The following GNS variants were observed in gnomAD, a reference collection of about 807,000 sequenced individuals.
GNS encodes N-acetylglucosamine-6-sulfatase.
GNS carries 40 observed loss-of-function variants against 69.7 expected under a neutral mutation model. The ratio of observed to expected loss-of-function variants is 0.57; its 90% CI spans 0.45 to 0.75. GNS has a LOEUF of 0.75. Ranked by LOEUF, GNS falls within the 30% of genes least tolerant of loss-of-function variation. The pLI is 0.00. For synonymous variants in GNS, 243 were observed against 251.6 expected (o/e 0.97, Z 0.32); for missense variants, 565 against 685.5 (o/e 0.82, Z 1.96).
intron 12 of GNS, among the ~76,000 whole-genome samples, chr12:64,720,577 A>G (rs535735006): frequency 6.6e-6 from 1 of 152,362 alleles, no homozygotes; most frequent in African/African-American, 2.4e-5. Context: ...GTGAGAGCGA[A>G]TATTTAAAGG....
At chr12:64,754,242 C>T (rs1870173154) in intron 1 of GNS, among the ~76,000 whole-genome samples, 1 of 152,140 alleles carries the variant, frequency 6.6e-6, no homozygotes, top group Admixed American at 6.6e-5. Context: ...GGTAAACAAT[C>T]AGTCATTTCA....
intron 8 of GNS, among the ~76,000 whole-genome samples, chr12:64,738,377 G>A (rs1869617972): frequency 6.6e-6 from 1 of 152,196 alleles, no homozygotes; most frequent in South Asian, 2.1e-4. Flanking sequence ...GGAGTCATGT[G>A]TATGGGAGTT....
chr12:64,725,995 CAAAAAAAA>C (rs34734900), intron 10 of GNS, among the ~76,000 whole-genome samples: 18 of 49,222 alleles, frequency 3.7e-4, no homozygotes, highest in African/African-American at 8.1e-4. Context: ...GACTCTGTCT[CAAAAAAAA>C]AAAAAAAAAA....
At chr12:64,719,917 CAGA>C (rs1320186917) in intron 13 of GNS, 102 bp downstream of exon 13, 5 of 798,628 alleles carry the variant, frequency 6.3e-6, no homozygotes, top group African/African-American at 1.7e-5. Context: ...CCCTCTAAAG[CAGA>C]AGAATCATCA....
At position 64,758,470 on chromosome 12, in the gene GNS, G is replaced by A. The variant is rs74338404; in HGVS notation, c.192+615C>T. Among the ~76,000 whole-genome samples the A allele has an allele frequency of 1.3e-4, 19 of 151,962 alleles. No individual in the cohort carries two copies. In the East Asian group the frequency reaches 3.5e-3, roughly 28 times the overall value. ...CCCAAGTAGCTGGGACTACAGCTGC[G>A]CGCCACCACGCCCAGCTAGAATTAT... On this transcript the variant is annotated intron_variant, in intron 1 of 13. Coordinates refer to ENST00000258145, the MANE Select transcript of GNS (RefSeq NM_002076.4).
At chr12:64,724,667 G>A (rs566166427) in intron 10 of GNS, among the ~76,000 whole-genome samples, 5 of 152,192 alleles carry the variant, frequency 3.3e-5, no homozygotes, top group East Asian at 1.9e-4. Flanking sequence ...AGACTAGCCC[G>A]ACCAACATGG....
At chr12:64,725,995 C>CAAAAAAAAAAAAAAAA (rs34734900) in intron 10 of GNS, among the ~76,000 whole-genome samples, 24 of 49,218 alleles carry the variant, frequency 4.9e-4, no homozygotes, top group East Asian at 5.7e-4. Context: ...GACTCTGTCT[C>CAAAAAAAAAAAAAAAA]AAAAAAAAAA....
rs369451602 is a variant in GNS, at chr12:64,719,879, C to T, written c.1580+143G>A. The T allele has an allele frequency of 1.0e-4, 72 of 701,562 alleles. 1 individual carries two copies. The highest frequency in any genetic ancestry group is 3.9e-4 in the African/African-American group (22 of 55,956). The allele number at this position is 701,562 out of a possible 1,614,324, so 43.5% of individuals were successfully genotyped here. A position where few individuals can be genotyped will look rare whatever the true frequency, so the allele number is the denominator to read the frequency against. On this transcript the variant is annotated intron_variant, in intron 13 of 13. Coordinates refer to ENST00000258145, the MANE Select transcript of GNS (RefSeq NM_002076.4). Reference sequence around the variant, plus strand: ...CAAAAGCTTGATTTTCCCAGCACAACGGGCTGATGCAATTAGAACACAGTA... The same window carrying T: ...CAAAAGCTTGATTTTCCCAGCACAATGGGCTGATGCAATTAGAACACAGTA...
intron 3 of GNS, among the ~76,000 whole-genome samples, chr12:64,746,576 T>G (rs1297060987): frequency 6.6e-6 from 1 of 152,180 alleles, no homozygotes; most frequent in Admixed American, 6.5e-5. Flanking sequence ...CTTTTAGAGC[T>G]CGATTTATCT....
At chr12:64,758,056 A>T (rs1290894331) in intron 1 of GNS, among the ~76,000 whole-genome samples, 1 of 152,166 alleles carries the variant, frequency 6.6e-6, no homozygotes, top group Non-Finnish European at 1.5e-5. Context: ...CTGGGCCTCC[A>T]TGGGGAAGGG....
chr12:64,751,004 T>C (rs977930851), intron 2 of GNS, among the ~76,000 whole-genome samples: 1 of 152,222 alleles, frequency 6.6e-6, no homozygotes, highest in African/African-American at 2.4e-5. Context: ...GTAAAATACA[T>C]AGGTCATAGC....
chr12:64,749,002 C>T (rs570157313), intron 2 of GNS, among the ~76,000 whole-genome samples: 6 of 152,210 alleles, frequency 3.9e-5, no homozygotes, highest in South Asian at 4.1e-4. Flanking sequence ...TGCAGTGGCG[C>T]GATCTTGGCT....
intron 2 of GNS, among the ~76,000 whole-genome samples, chr12:64,748,389 G>A (rs909985946): frequency 6.8e-6 from 1 of 147,792 alleles, no homozygotes; most frequent in African/African-American, 2.5e-5. Context: ...TTTTTTATTT[G>A]TAGAGATAAC....
chr12:64,716,460 C>A lies in GNS; in HGVS notation c.*281G>T. ...AGAGGAATAATCAAGAACTGTGGCCCCAGGATAAAAAGAATACAGTGAGAA... is the reference window on the plus strand; with the variant it reads ...AGAGGAATAATCAAGAACTGTGGCCACAGGATAAAAAGAATACAGTGAGAA... On this transcript the variant is annotated 3_prime_UTR_variant, in exon 14 of 14. Transcript: ENST00000258145. The A allele has an allele frequency of 2.1e-6, 1 of 473,406 alleles. No homozygotes were observed. The highest frequency in any genetic ancestry group is 2.2e-5 in the South Asian group (1 of 45,952). The allele number at this position is 473,406 out of a possible 1,614,324, so 29.3% of individuals were successfully genotyped here. A position where few individuals can be genotyped will look rare whatever the true frequency, so the allele number is the denominator to read the frequency against.
intron 12 of GNS, among the ~76,000 whole-genome samples, chr12:64,721,074 T>C (rs906104930): frequency 6.6e-6 from 1 of 152,148 alleles, no homozygotes; most frequent in Non-Finnish European, 1.5e-5. Flanking sequence ...CAGGTGAGCA[T>C]ATGCTGATAA....
intron 10 of GNS, among the ~76,000 whole-genome samples, chr12:64,727,640 G>A (rs1244887): frequency 0.63 from 95,794 of 151,972 alleles, 30,604 homozygotes; most frequent in East Asian, 0.88. Flanking sequence ...CAGTTACAAG[G>A]GGCCACATAT....
Position 64,747,725 on chromosome 12 carries a change from T to C in GNS, c.446A>G (p.Lys149Arg). The change falls in exon 3 of 14, where the codon AAA becomes AGA. Residue 149 changes from lysine to arginine, a missense_variant. Transcript: ENST00000258145. ...MCGYQTFFAG[K>R]YLNEYGAPDA... Reference sequence around the variant, plus strand: ...CATTCAACATACCTCATTTAAATATTTCCCTGCAAAAAAGGTCTGATAACC... The same window carrying C: ...CATTCAACATACCTCATTTAAATATCTCCCTGCAAAAAAGGTCTGATAACC... 6.3e-7 allele frequency: 1 copy of C among 1,584,886 alleles called. No individual in the cohort carries two copies. Among genetic ancestry groups the C allele is most frequent in the African/African-American group, 1.3e-5 (1 of 74,486 alleles).
intron 6 of GNS, among the ~76,000 whole-genome samples, chr12:64,742,179 C>A (rs1333991133): frequency 6.6e-6 from 1 of 152,146 alleles, no homozygotes; most frequent in Non-Finnish European, 1.5e-5. Flanking sequence ...CACCACCACG[C>A]CCGGCTAATT....
chr12:64,723,995 G>A (rs902711275), intron 10 of GNS, among the ~76,000 whole-genome samples: 3 of 152,190 alleles, frequency 2.0e-5, no homozygotes, highest in Non-Finnish European at 4.4e-5. Flanking sequence ...CTTAGTGGCA[G>A]AATCTAGAGA....
Sources: gnomAD v4.1 joint callset for allele counts (sites outside exome capture counted in the v4.1 genomes callset) on GRCh38, gnomAD v4.1.1 for gene constraint, MANE v1.5 for transcripts, NCBI Gene and HGNC (gene_info 2026-07-23, HGNC 2026-07-21) for gene names.